Variants in PRIM2 observed in about 807,000 individuals in gnomAD.
PRIM2 encodes DNA primase subunit 2.
PRIM2 carries 39 observed loss-of-function variants against 67.3 expected under a neutral mutation model. The observed-to-expected ratio is 0.58, with a 90% CI of 0.45 to 0.76. PRIM2 has a LOEUF of 0.76. Ranked by LOEUF, PRIM2 falls within the 30% of genes least tolerant of loss-of-function variation. The pLI, the probability that PRIM2 is intolerant of heterozygous loss-of-function variation, is 0.00. For missense variants in PRIM2, 398 were observed against 598.7 expected, an observed-to-expected ratio of 0.66 and a Z score of 3.50; for synonymous variants, 143 against 198.7, an observed-to-expected ratio of 0.72 and a Z score of 2.36.
At chr6:57,292,624 G>A in the PRIM2 span, among the ~76,000 whole-genome samples, 1 of 152,164 alleles carries the variant, frequency 6.6e-6, no homozygotes, top group African/African-American at 2.4e-5. Context: ...AACCAAAACA[G>A]CATGGTACTG....
intron 7 of PRIM2, among the ~76,000 whole-genome samples, chr6:57,425,185 A>G (rs1221908938): frequency 6.6e-6 from 1 of 152,096 alleles, no homozygotes; most frequent in Non-Finnish European, 1.5e-5. Context: ...TTCCTTTTTG[A>G]ACAAATAATT....
intron 13 of PRIM2, among the ~76,000 whole-genome samples, chr6:57,636,035 C>T (rs1220042988): frequency 6.6e-6 from 1 of 152,226 alleles, no homozygotes; most frequent in Non-Finnish European, 1.5e-5. Context: ...AGATCCTTTA[C>T]AGGACTTTGG....
At chr6:57,536,120 AGTT>A (rs1423898673) in intron 9 of PRIM2, among the ~76,000 whole-genome samples, 10 of 152,198 alleles carry the variant, frequency 6.6e-5, no homozygotes, top group Non-Finnish European at 1.3e-4. Flanking sequence ...AAAAATCAGA[AGTT>A]GTTACTGTAA....
intron 5 of PRIM2, among the ~76,000 whole-genome samples, chr6:57,334,630 C>T (rs770512703): frequency 1.3e-5 from 2 of 152,050 alleles, no homozygotes; most frequent in African/African-American, 2.4e-5. Flanking sequence ...GTAGCCCACC[C>T]TGGGCTACAG....
the PRIM2 span, among the ~76,000 whole-genome samples, chr6:57,288,406 T>C: frequency 6.6e-6 from 1 of 152,156 alleles, no homozygotes; most frequent in African/African-American, 2.4e-5. Flanking sequence ...TCCGAAGACC[T>C]AAACATTCCG....
intron 12 of PRIM2, among the ~76,000 whole-genome samples, chr6:57,623,147 T>C (rs1420263089): frequency 2.0e-5 from 3 of 152,186 alleles, no homozygotes; most frequent in Admixed American, 2.0e-4. Context: ...GCTTTGCTTT[T>C]CTTAGTGTTG....
chr6:57,439,682 C>T (rs4715689), intron 7 of PRIM2, among the ~76,000 whole-genome samples: 12 of 151,216 alleles, frequency 7.9e-5, no homozygotes, highest in Non-Finnish European at 7.4e-5. Context: ...CCCGAAGTGC[C>T]GATATTACAG....
At chr6:57,233,385 C>A in the PRIM2 span, among the ~76,000 whole-genome samples, 1 of 152,158 alleles carries the variant, frequency 6.6e-6, no homozygotes, top group Admixed American at 6.6e-5. Context: ...TATATTTAAT[C>A]TTTGGGTTTT....
chr6:57,457,099 A>G (rs1412034451), intron 7 of PRIM2, among the ~76,000 whole-genome samples: 3 of 152,194 alleles, frequency 2.0e-5, no homozygotes, highest in Admixed American at 6.5e-5. Flanking sequence ...GCTGCAGAAC[A>G]GCAGATATTG....
intron 5 of PRIM2, among the ~76,000 whole-genome samples, chr6:57,344,818 G>A (rs1378276115): frequency 6.6e-6 from 1 of 151,906 alleles, no homozygotes; most frequent in African/African-American, 2.4e-5. Context: ...ACAGAATTTG[G>A]GTTTTTCTAA....
At chr6:57,594,676 A>G (rs1198292204) in intron 10 of PRIM2, among the ~76,000 whole-genome samples, 1 of 152,236 alleles carries the variant, frequency 6.6e-6, no homozygotes, top group African/African-American at 2.4e-5. Context: ...TTAACTTGAG[A>G]TGAATCAGGA....
At chr6:57,639,314 C>T (rs1346100123) in intron 13 of PRIM2, among the ~76,000 whole-genome samples, 83 of 151,830 alleles carry the variant, frequency 5.5e-4, no homozygotes, top group Admixed American at 4.7e-3. Context: ...AATCTAAAGT[C>T]GACACCCTAG....
At chr6:57,631,030 C>T (rs1355510982) in intron 12 of PRIM2, among the ~76,000 whole-genome samples, 3 of 152,170 alleles carry the variant, frequency 2.0e-5, no homozygotes, top group East Asian at 1.9e-4. Flanking sequence ...AAAGGTGACA[C>T]GAAATTCAGA....
At chr6:57,603,500 T>C (rs1287538274) in intron 11 of PRIM2, among the ~76,000 whole-genome samples, 3 of 152,180 alleles carry the variant, frequency 2.0e-5, no homozygotes, top group Non-Finnish European at 4.4e-5. Flanking sequence ...GTAAGTATGC[T>C]GTCTTATTTC....
intron 5 of PRIM2, among the ~76,000 whole-genome samples, chr6:57,372,791 T>C (rs1769608803): frequency 6.6e-6 from 1 of 152,248 alleles, no homozygotes; most frequent in African/African-American, 2.4e-5. Flanking sequence ...AGCTCATTCC[T>C]TCTTAAGGCT....
At chr6:57,435,692 G>A (rs1771989003) in intron 7 of PRIM2, among the ~76,000 whole-genome samples, 1 of 152,076 alleles carries the variant, frequency 6.6e-6, no homozygotes, top group African/African-American at 2.4e-5. Flanking sequence ...CATCTCATGG[G>A]TACCTTCTTA....
chr6:57,353,315 G>A (rs1768916637), intron 5 of PRIM2, among the ~76,000 whole-genome samples: 1 of 152,122 alleles, frequency 6.6e-6, no homozygotes, highest in African/African-American at 2.4e-5. Context: ...GTACATCAGA[G>A]CTATTGTTTG....
chr6:57,618,624 G>A (rs1776795807), intron 12 of PRIM2, among the ~76,000 whole-genome samples: 2 of 152,162 alleles, frequency 1.3e-5, no homozygotes, highest in African/African-American at 4.8e-5. Context: ...CAGTTTGCAT[G>A]GGAGCTGGGT....
In PRIM2 at chr6:57,499,652, A is replaced by G. The variant is rs1476974613; in HGVS notation, c.694-7735A>G. On this transcript the variant is annotated intron_variant, in intron 7 of 13. Transcript: ENST00000615550. The stretch of plus-strand genomic sequence containing the variant: ...CGTTTCCCTTTTTCTTTCGGTCTTC[A>G]TTTCTGAAGGCTCCCATATCACATA... 7.9e-5 allele frequency among the ~76,000 whole-genome samples: 12 copies of G among 152,288 alleles called. No homozygotes were observed. In the East Asian group the frequency reaches 2.3e-3, roughly 29 times the overall value.
Sources: allele counts gnomAD v4.1 joint callset (sites outside exome capture counted in the v4.1 genomes callset), GRCh38; gene constraint gnomAD v4.1.1; transcripts MANE v1.5; gene names NCBI Gene and HGNC (gene_info 2026-07-23, HGNC 2026-07-21).